CHD7: variants seen among roughly 807,000 people sequenced by gnomAD.
CHD7 encodes ATP-dependent chromatin remodeler CHD7.
Under a neutral mutation model 307.3 loss-of-function variants are expected in CHD7, and 24 were observed. The ratio of observed to expected loss-of-function variants is 0.08; its 90% confidence interval spans 0.06 to 0.11. The LOEUF is 0.11. Ranked by LOEUF, CHD7 falls within the 10% of genes least tolerant of loss-of-function variation. CHD7 has a pLI of 1.00. For synonymous variants in CHD7, 1,363 were observed against 1,349.9 expected, an observed-to-expected ratio of 1.01 and a Z score of -0.21; for missense variants, 3,106 against 3,727.1, an observed-to-expected ratio of 0.83 and a Z score of 4.34.
intron 1 of CHD7, among the ~76,000 whole-genome samples, chr8:60,721,224 A>T (rs1807886975): frequency 6.6e-6 from 1 of 152,178 alleles, no homozygotes; most frequent in Admixed American, 6.5e-5. Context: ...TTAAGATTAC[A>T]TGAGGTTATA....
intron 2 of CHD7, among the ~76,000 whole-genome samples, chr8:60,751,452 C>T (rs977540756): frequency 1.2e-4 from 18 of 152,182 alleles, no homozygotes; most frequent in Admixed American, 1.0e-3. Context: ...AAGGGAACAG[C>T]ATTGTGAGAA....
intron 1 of CHD7, among the ~76,000 whole-genome samples, chr8:60,717,968 T>TA (rs11400085): frequency 0.5 from 75,358 of 151,900 alleles, 22,840 homozygotes; most frequent in East Asian, 0.73. Context: ...CATTTTTTTT[T>TA]AAATTTAACT....
intron 32 of CHD7, 60 bp from the exon 33 acceptor site, chr8:60,855,915 A>G (rs921381749): frequency 1.8e-6 from 2 of 1,107,178 alleles, no homozygotes; most frequent in Non-Finnish European, 2.7e-6. Context: ...GGATGTATTT[A>G]TCTAGTAATT....
chr8:60,689,056 C>T (rs961873055), intron 1 of CHD7, among the ~76,000 whole-genome samples: 1 of 152,124 alleles, frequency 6.6e-6, no homozygotes, highest in Non-Finnish European at 1.5e-5. Context: ...GGGTAGCCTA[C>T]TTAGAATCTC....
chr8:60,848,539 G>C lies in CHD7; in HGVS notation c.5235G>C (p.Leu1745=). The change falls in exon 24 of 38, where the codon CTG becomes CTC. Residue 1745 remains leucine (L), a synonymous_variant. Coordinates refer to ENST00000423902, the MANE Select transcript of CHD7 (RefSeq NM_017780.4). ...GGGTCCTGCTGCGTGTCCGCATGCTGTACTACCTAAGACAAGAAGTGATAG... is the reference window on the plus strand; with the variant it reads ...GGGTCCTGCTGCGTGTCCGCATGCTCTACTACCTAAGACAAGAAGTGATAG... ...CNKVLLRVRM[L]YYLRQEVIGD... The C allele has an allele frequency of 6.2e-7, 1 of 1,613,674 alleles. No individual in the cohort carries two copies. Among genetic ancestry groups the C allele is most frequent in the Non-Finnish European group, 8.5e-7 (1 of 1,179,716 alleles).
chr8:60,795,277 G>A lies in CHD7; in HGVS notation c.2238+150G>A, dbSNP rs930502267. The A allele has an allele frequency of 4.3e-5, 32 of 749,296 alleles. 1 individual carries two copies. Among genetic ancestry groups the A allele is most frequent in the Non-Finnish European group, 5.5e-5 (27 of 493,422 alleles). 46.4% of individuals were successfully genotyped at this position (749,296 alleles called of 1,614,324 possible). Reference sequence around the variant, plus strand: ...TCTGGAACATTATCTCCATAGCGATGTAGGGAGGGGGAGCGGGCGTGGAAC... The same window carrying A: ...TCTGGAACATTATCTCCATAGCGATATAGGGAGGGGGAGCGGGCGTGGAAC... On this transcript the variant is annotated intron_variant, in intron 4 of 37. Coordinates refer to ENST00000423902, the MANE Select transcript of CHD7 (RefSeq NM_017780.4).
chr8:60,755,566 G>C (rs1329214025), intron 2 of CHD7, among the ~76,000 whole-genome samples: 31 of 151,576 alleles, frequency 2.0e-4, no homozygotes, highest in Non-Finnish European at 2.9e-5. Context: ...TAAAAATATT[G>C]GTAAAAATGA....
chr8:60,866,059 A>C lies in CHD7; in HGVS notation c.*126A>C. On this transcript the variant is annotated 3_prime_UTR_variant, in exon 38 of 38. Transcript: ENST00000423902. ...CTGTAACATAGTGTAGCAAAAAAAAAAGTTCAAGTCATGTTATACAGGTGT... is the reference window on the plus strand; with the variant it reads ...CTGTAACATAGTGTAGCAAAAAAAACAGTTCAAGTCATGTTATACAGGTGT... The C allele has an allele frequency of 1.2e-6, 1 of 863,400 alleles. No homozygotes were observed. The highest frequency in any genetic ancestry group is 1.8e-5 in the South Asian group (1 of 56,818). 53.5% of individuals were successfully genotyped at this position (863,400 alleles called of 1,614,324 possible). A position where few individuals can be genotyped will look rare whatever the true frequency, so the allele number is the denominator to read the frequency against.
In CHD7 at chr8:60,741,298, G is replaced by C. The variant is rs1244057482; in HGVS notation, c.-135G>C. 1 of 716,270 alleles carries C rather than the reference G, an allele frequency of 1.4e-6. No homozygotes were observed. Among genetic ancestry groups the C allele is most frequent in the East Asian group, 2.7e-5 (1 of 37,002 alleles). 44.4% of individuals were successfully genotyped at this position (716,270 alleles called of 1,614,324 possible). On this transcript the variant is annotated 5_prime_UTR_variant, in exon 2 of 38. Transcript: ENST00000423902. ...CTTTGCCTGACACTGCAGGGTCCAA[G>C]AGAATTAAAGAAATATGGAATGACA...
chr8:60,839,431 C>T (rs190274579), intron 19 of CHD7, among the ~76,000 whole-genome samples: 8 of 152,248 alleles, frequency 5.3e-5, no homozygotes, highest in African/African-American at 1.9e-4. Flanking sequence ...TTTCATTTCT[C>T]TTGGGTATAT....
At chr8:60,793,834 A>G (rs1286404921) in intron 3 of CHD7, among the ~76,000 whole-genome samples, 2 of 152,322 alleles carry the variant, frequency 1.3e-5, no homozygotes, top group East Asian at 1.9e-4. Context: ...AAAATTTGCA[A>G]CTGATGGCCG....
intron 23 of CHD7, 110 bp downstream of exon 23, chr8:60,845,519 G>T (rs1805167925): frequency 1.7e-6 from 2 of 1,186,290 alleles, no homozygotes; most frequent in Admixed American, 4.4e-5. Flanking sequence ...AGATTTGGAG[G>T]GTCAACTGAG....
At position 60,850,536 on chromosome 8, in the gene CHD7, C is replaced by T; in HGVS notation, c.5448C>T (p.Cys1816=). ...CCATGCGAGCTGACCCCGCGCTGTGCTTTCTGGAACGAGTCGGTATGCCTG... is the reference window on the plus strand; with the variant it reads ...CCATGCGAGCTGACCCCGCGCTGTGTTTTCTGGAACGAGTCGGTATGCCTG... ...YNSMRADPAL[C]FLERVGMPDA... The change falls in exon 26 of 38, where the codon TGC becomes TGT. Residue 1816 remains cysteine (C), a synonymous_variant. Transcript: ENST00000423902. 1 of 1,613,614 alleles carries T rather than the reference C, an allele frequency of 6.2e-7. No homozygotes were observed. Among genetic ancestry groups the T allele is most frequent in the Non-Finnish European group, 8.5e-7 (1 of 1,179,716 alleles).
At chr8:60,776,604 A>G (rs1403610067) in intron 2 of CHD7, among the ~76,000 whole-genome samples, 1 of 152,212 alleles carries the variant, frequency 6.6e-6, no homozygotes, top group Non-Finnish European at 1.5e-5. Flanking sequence ...AGCAGGTACT[A>G]TGGCTGCCTT....
chr8:60,852,330 A>G, intron 29 of CHD7, 83 bp downstream of exon 29: 1 of 1,372,856 alleles, frequency 7.3e-7, no homozygotes, highest in Non-Finnish European at 1.0e-6. Flanking sequence ...GACAGGACTC[A>G]TATCAAAGGT....
chr8:60,828,589 C>A, intron 13 of CHD7, 74 bp from the exon 14 acceptor site: 2 of 1,381,586 alleles, frequency 1.4e-6, no homozygotes, highest in Non-Finnish European at 2.0e-6. Context: ...CAATGGGTGT[C>A]TAGTGAGAGG....
At chr8:60,800,558 A>C (rs767380188) in intron 5 of CHD7, 33 bp downstream of exon 5, 2 of 1,518,982 alleles carry the variant, frequency 1.3e-6, no homozygotes, top group Non-Finnish European at 1.8e-6. Context: ...TTATGGATGC[A>C]TTTTAAAGAT....
intron 26 of CHD7, 160 bp downstream of exon 26, chr8:60,850,782 A>C: frequency 2.6e-6 from 2 of 780,904 alleles, no homozygotes; most frequent in Non-Finnish European, 4.1e-6. Context: ...ATGACTGTTT[A>C]AACAATATAC....
rs550036286 is a variant in CHD7 at position 60,805,613 on chromosome 8, A to G, written c.2443-2604A>G. On this transcript the variant is annotated intron_variant, in intron 6 of 37. Coordinates refer to ENST00000423902, the MANE Select transcript of CHD7 (RefSeq NM_017780.4). Reference sequence around the variant, plus strand: ...CTGTAAGAGTCAGAGCTTTCTGGGAACAGACTTGAGACAAAATAAAAAGTG... The same window carrying G: ...CTGTAAGAGTCAGAGCTTTCTGGGAGCAGACTTGAGACAAAATAAAAAGTG... 9.4e-4 allele frequency among the ~76,000 whole-genome samples: 143 copies of G among 152,306 alleles called. 1 individual carries two copies. Among genetic ancestry groups the G allele is most frequent in the Middle Eastern group, 3.4e-3 (1 of 294 alleles).
Sources: allele counts gnomAD v4.1 joint callset (sites outside exome capture counted in the v4.1 genomes callset), GRCh38; gene constraint gnomAD v4.1.1; transcripts MANE v1.5; gene names NCBI Gene and HGNC (gene_info 2026-07-23, HGNC 2026-07-21).